The following SDK2 variants were observed in gnomAD, a reference collection of about 807,000 sequenced individuals.
The protein encoded by SDK2 is sidekick cell adhesion molecule 2.
Under a neutral mutation model 253.9 loss-of-function variants are expected in SDK2, and 105 were observed. The ratio of observed to expected loss-of-function variants is 0.41; its 90% CI spans 0.35 to 0.49. The LOEUF is 0.49. Among genes scored for constraint, SDK2 ranks in the 20% least tolerant of loss-of-function variants. SDK2 has a pLI of 0.06. For missense variants in SDK2, 2,608 were observed against 3,003.0 expected (o/e 0.87, Z 3.07); for synonymous variants, 1,249 against 1,234.9 (o/e 1.01, Z -0.24).
chr17:73,602,495 T>C (rs2045854699), intron 1 of SDK2, among the ~76,000 whole-genome samples: 1 of 150,084 alleles, frequency 6.7e-6, no homozygotes, highest in Non-Finnish European at 1.5e-5. Flanking sequence ...AATGAATACA[T>C]GGATGGAAGA....
intron 15 of SDK2, among the ~76,000 whole-genome samples, chr17:73,421,263 C>T (rs963546074): frequency 8.3e-6 from 1 of 119,842 alleles, no homozygotes; most frequent in Non-Finnish European, 2.0e-5. Context: ...GCCACTGCTC[C>T]CTCCCGTGAG....
At chr17:73,598,505 T>G (rs1431754591) in intron 1 of SDK2, among the ~76,000 whole-genome samples, 1 of 152,200 alleles carries the variant, frequency 6.6e-6, no homozygotes, top group Non-Finnish European at 1.5e-5. Context: ...TGGCTTCCCC[T>G]CTGCCCGGCT....
chr17:73,434,095 C>T (rs1474630665), intron 9 of SDK2, among the ~76,000 whole-genome samples: 1 of 152,244 alleles, frequency 6.6e-6, no homozygotes, highest in East Asian at 1.9e-4. Context: ...CACCAGTCCC[C>T]ACACTGCTTG....
At chr17:73,367,004 T>A (rs1241264806) in intron 37 of SDK2, among the ~76,000 whole-genome samples, 5 of 152,180 alleles carry the variant, frequency 3.3e-5, no homozygotes, top group Admixed American at 1.3e-4. Context: ...GCATACTTTT[T>A]AAATTTTTTT....
chr17:73,439,858 TTGGGC>T (rs2063400348), intron 6 of SDK2, among the ~76,000 whole-genome samples: 1 of 152,148 alleles, frequency 6.6e-6, no homozygotes, highest in Non-Finnish European at 1.5e-5. Flanking sequence ...CTGGGTGACG[TTGGGC>T]AGGCCACTTG....
intron 40 of SDK2, 41 bp downstream of exon 40, chr17:73,358,038 T>C (rs774783981): frequency 6.8e-6 from 11 of 1,611,972 alleles, no homozygotes; most frequent in South Asian, 2.2e-5. Context: ...AGAAGGGAGA[T>C]AATGAGCTGT....
chr17:73,531,601 C>T (rs1207491745), intron 1 of SDK2, among the ~76,000 whole-genome samples: 2 of 152,196 alleles, frequency 1.3e-5, no homozygotes, highest in African/African-American at 4.8e-5. Flanking sequence ...TTCCATCTGC[C>T]AGGCCCTTAT....
In SDK2 at chr17:73,338,854, G is replaced by T; in HGVS notation, c.6252C>A (p.Tyr2084Ter). 1 of 1,614,020 alleles carries T rather than the reference G, an allele frequency of 6.2e-7. No homozygotes were observed. Among genetic ancestry groups the T allele is most frequent in the Non-Finnish European group, 8.5e-7 (1 of 1,179,892 alleles). The change falls in exon 45 of 45, where the codon TAC (tyrosine) becomes TAA (stop). Residue 2084 changes from tyrosine to a stop codon, truncating the protein, a stop_gained. Coordinates refer to ENST00000392650, the MANE Select transcript of SDK2 (RefSeq NM_001144952.2). LOFTEE classifies it high-confidence loss of function. This position sits in a 1 kb window ranked among gnomAD's most constrained non-coding sequence, Gnocchi z 5.0. ...VNHYISDPTYYNSWRRQQKGI... is the reference protein window; with the variant it reads ...VNHYISDPTY ...CCTTCTGCTGTCGCCGCCACGAGTT[G>T]TAGTATGTGGGGTCACTGATGTAGT...
intron 1 of SDK2, among the ~76,000 whole-genome samples, chr17:73,549,481 A>G (rs758729979): frequency 4.6e-5 from 7 of 152,194 alleles, no homozygotes; most frequent in Non-Finnish European, 8.8e-5. Context: ...AATCGCAAAC[A>G]AAGATTCAGC....
chr17:73,526,288 A>G (rs1462663803), intron 1 of SDK2, among the ~76,000 whole-genome samples: 2 of 152,194 alleles, frequency 1.3e-5, no homozygotes, highest in Non-Finnish European at 2.9e-5. Flanking sequence ...GTGGCCGGCC[A>G]GCACAGGGGC....
At chr17:73,456,104 G>A in intron 3 of SDK2, 51 bp from the exon 4 acceptor site, 1 of 1,430,286 alleles carries the variant, frequency 7.0e-7, no homozygotes, top group South Asian at 1.5e-5. Flanking sequence ...TCAGCCTCAG[G>A]GACTGCCCAG....
intron 2 of SDK2, among the ~76,000 whole-genome samples, chr17:73,501,658 C>A (rs936462812): frequency 6.6e-6 from 1 of 152,172 alleles, no homozygotes; most frequent in Non-Finnish European, 1.5e-5. Flanking sequence ...GTGTACAGAG[C>A]CCCAGGTGGC....
chr17:73,574,462 C>T (rs550737366), intron 1 of SDK2, among the ~76,000 whole-genome samples: 15 of 152,220 alleles, frequency 9.9e-5, no homozygotes, highest in Admixed American at 3.3e-4. Context: ...CACACATACA[C>T]GCCTCGCTGA....
chr17:73,469,988 GCGCGCACACACACACA>G (rs1211871928), intron 3 of SDK2, among the ~76,000 whole-genome samples: 3 of 112,366 alleles, frequency 2.7e-5, no homozygotes, highest in Admixed American at 8.6e-5. Context: ...GACTGCGCGC[GCGCGCACACACACACA>G]CACACACACA....
rs148146505 is a variant in SDK2, at chr17:73,536,809, G to A, written c.65-29212C>T. 4.6e-3 allele frequency among the ~76,000 whole-genome samples: 708 copies of A among 152,272 alleles called. 9 individuals carry two copies. Among genetic ancestry groups the A allele is most frequent in the African/African-American group, 0.016 (645 of 41,556 alleles). On this transcript the variant is annotated intron_variant, in intron 1 of 44. Transcript: ENST00000392650. Reference sequence around the variant, plus strand: ...GGGGGCTATAAAAGTGGTTCCAGAGGGTGAAGGAGACTGTAGCCCCGCCTC... The same window carrying A: ...GGGGGCTATAAAAGTGGTTCCAGAGAGTGAAGGAGACTGTAGCCCCGCCTC...
chr17:73,504,844 AG>A (rs2063922689), intron 2 of SDK2, among the ~76,000 whole-genome samples: 1 of 152,136 alleles, frequency 6.6e-6, no homozygotes, highest in Non-Finnish European at 1.5e-5. Context: ...CGGGGGTGGC[AG>A]GAGGTGAGAC....
At position 73,339,011 on chromosome 17, in the gene SDK2, G is replaced by A. The variant is rs769715110; in HGVS notation, c.6166-71C>T. On this transcript the variant is annotated intron_variant, in intron 44 of 44. Transcript: ENST00000392650. The stretch of plus-strand genomic sequence containing the variant: ...AGGCCATTGTGGTTGGGGCCGGAAG[G>A]CACAGGGCATTCTGGTTCAAAACTC... The A allele has an allele frequency of 6.4e-4, 859 of 1,344,448 alleles. 2 individuals are homozygous for A. Among genetic ancestry groups the A allele is most frequent in the Middle Eastern group, 1.8e-3 (9 of 5,130 alleles). 83.3% of individuals were successfully genotyped at this position (1,344,448 alleles called of 1,614,324 possible). A position where few individuals can be genotyped will look rare whatever the true frequency, so the allele number is the denominator to read the frequency against.
At chr17:73,345,924 C>T (rs748808429) in intron 44 of SDK2, among the ~76,000 whole-genome samples, 25 of 152,104 alleles carry the variant, frequency 1.6e-4, no homozygotes, top group African/African-American at 3.6e-4. Flanking sequence ...ATATGATTCA[C>T]GGCTGGGTGC....
At position 73,390,317 on chromosome 17, in the gene SDK2, C is replaced by G. The variant is rs757302689; in HGVS notation, c.4162G>C (p.Glu1388Gln). Residue 1388 changes from glutamate (E) to glutamine (Q), a missense_variant, in exon 29 of 45, where the codon GAG becomes CAG. This residue lies in a region of SDK2 where 1,103 missense variants were observed against 1,143.9 expected (regional missense o/e 0.96). Transcript: ENST00000392650. ...TTCTCGGTGGTCACCACCAAGGCCT[C>G]GGCAGCTTCTCCCCAGCCCTTGCGG... ...QTRKGWGEAA[E>Q]ALVVTTEKRD... is the part of the protein sequence containing the mutation. 1.9e-6 allele frequency: 3 copies of G among 1,561,818 alleles called. No homozygotes were observed. Among genetic ancestry groups the G allele is most frequent in the Non-Finnish European group, 2.6e-6 (3 of 1,154,190 alleles).
Sources: gnomAD v4.1 joint callset for allele counts (sites outside exome capture counted in the v4.1 genomes callset) on GRCh38, gnomAD v4.1.1 for gene constraint, gnomAD v4.1.1 regional missense constraint, Gnocchi (gnomAD v3.1) non-coding constraint, MANE v1.5 for transcripts, NCBI Gene and HGNC (gene_info 2026-07-23, HGNC 2026-07-21) for gene names.